MYH4: variants seen among roughly 807,000 people sequenced by gnomAD.
MYH4 encodes myosin heavy chain 4, also known as myosin-4.
In MYH4, 200 loss-of-function variants were observed where a neutral mutation model predicts 229.9. The observed-to-expected ratio is 0.87, with a 90% CI of 0.78 to 0.98. The LOEUF (loss-of-function observed/expected upper bound fraction) is 0.98. MYH4 is among the 50% of genes least tolerant of loss of function. The pLI is 0.00. For synonymous variants in MYH4, 761 were observed against 834.6 expected (o/e 0.91, Z 1.52); for missense variants, 2,148 against 2,332.6 (o/e 0.92, Z 1.63).
chr17:10,465,284 C>A (rs1298958526), intron 5 of MYH4, among the ~76,000 whole-genome samples, 158 bp downstream of exon 5: 1 of 152,150 alleles, frequency 6.6e-6, no homozygotes, highest in African/African-American at 2.4e-5. Flanking sequence ...ATGTTTGGAA[C>A]TAGTACATTT....
At chr17:10,468,137 G>GT (rs1010507464) in intron 2 of MYH4, among the ~76,000 whole-genome samples, 15 of 151,916 alleles carry the variant, frequency 9.9e-5, no homozygotes, top group African/African-American at 3.4e-4. Flanking sequence ...TTAATGTCAG[G>GT]TTTTTTTTCT....
intron 14 of MYH4, 72 bp downstream of exon 14, chr17:10,459,880 T>C (rs1234472896): frequency 4.3e-6 from 7 of 1,609,594 alleles, no homozygotes; most frequent in Non-Finnish European, 5.9e-6. Context: ...AAGGTACATT[T>C]TGTAAATGTG....
chr17:10,451,653 A>G (rs1273525593), intron 27 of MYH4, among the ~76,000 whole-genome samples: 1 of 152,194 alleles, frequency 6.6e-6, no homozygotes, highest in Non-Finnish European at 1.5e-5. Flanking sequence ...ATTCTCTTTG[A>G]AAGTGTGAAC....
rs749331128 is a variant in MYH4 at position 10,447,923 on chromosome 17, C to T, written c.4860G>A (p.Lys1620=). The T allele has an allele frequency of 3.1e-6, 5 of 1,614,030 alleles. No homozygotes were observed. The highest frequency in any genetic ancestry group is 2.5e-6 in the Non-Finnish European group (3 of 1,179,978). ...TTTCATTAAGATCTCCCTCCATCTT[C>T]TTCTTGATCCTCAGAGCATCATTTC... ...RSRNDALRIK[K]KMEGDLNEME... The change falls in exon 34 of 40, where the codon AAG becomes AAA. Residue 1620 remains lysine (K), a synonymous_variant. Coordinates refer to ENST00000255381, the MANE Select transcript of MYH4 (RefSeq NM_017533.2).
At chr17:10,450,367 A>C in intron 30 of MYH4, 86 bp downstream of exon 30, 1 of 1,603,198 alleles carries the variant, frequency 6.2e-7, no homozygotes, top group Non-Finnish European at 8.5e-7. Context: ...ATGTGTCCCC[A>C]AGCCCGGAAT....
At position 10,448,669 on chromosome 17, in the gene MYH4, C is replaced by T; in HGVS notation, c.4480G>A (p.Glu1494Lys). The T allele has an allele frequency of 6.2e-7, 1 of 1,614,048 alleles. No homozygotes were observed. The highest frequency in any genetic ancestry group is 8.5e-7 in the Non-Finnish European group (1 of 1,179,934). ...ELFKVKNAYE[E>K]SLDHLETLKR... is the part of the protein sequence containing the mutation. ...AGAGTTTCAAGATGATCCAGGGATT[C>T]CTCGTAGGCATTCTTCACCTTGAAC... Residue 1494 changes from glutamate (E) to lysine (K), a missense_variant, in exon 32 of 40, where the codon GAA (glutamate) becomes AAA (lysine). By Grantham distance (56) the Glu-to-Lys change is moderately conservative. Transcript: ENST00000255381.
Position 10,465,615 on chromosome 17 carries a change from G to A in MYH4, c.349-17C>T. On this transcript the variant is annotated splice_polypyrimidine_tract_variant and intron_variant, in intron 4 of 39. Transcript: ENST00000255381. ...CGAGTAGGTCTGTGGGAAAGGACGG[G>A]GTTCCTCGATCAGCAATCACCTTGT... 1 of 1,614,050 alleles carries A rather than the reference G, an allele frequency of 6.2e-7. No individual in the cohort carries two copies. Among genetic ancestry groups the A allele is most frequent in the South Asian group, 1.1e-5 (1 of 91,072 alleles).
At chr17:10,459,050 G>T (rs2072672200) in intron 15 of MYH4, among the ~76,000 whole-genome samples, 3 of 152,182 alleles carry the variant, frequency 2.0e-5, no homozygotes, top group Admixed American at 1.3e-4. Flanking sequence ...ATCCATATGT[G>T]TGTGAGTGAT....
Position 10,453,441 on chromosome 17 carries a change from A to G in MYH4, c.2935-113T>C. 10 of 1,582,192 alleles carry G rather than the reference A, an allele frequency of 6.3e-6. No individual in the cohort carries two copies. In the South Asian group the frequency reaches 1.0e-4, roughly 17 times the overall value. On this transcript the variant is annotated intron_variant, in intron 23 of 39. Transcript: ENST00000255381. ...CAGCGTAAGATGGAAAATGAGAACCAGGAGCTAACCCAGGCCTATAATGGC... is the reference window on the plus strand; with the variant it reads ...CAGCGTAAGATGGAAAATGAGAACCGGGAGCTAACCCAGGCCTATAATGGC...
Position 10,450,815 on chromosome 17 carries a change from T to A in MYH4, c.3946A>T (p.Ile1316Phe), listed in dbSNP as rs780825257. Residue 1316 changes from isoleucine (I) to phenylalanine (F), a missense_variant, in exon 29 of 40, where the codon ATT (isoleucine) becomes TTT (phenylalanine). Coordinates refer to ENST00000255381, the MANE Select transcript of MYH4 (RefSeq NM_017533.2). The part of the protein sequence containing the change: ...SRGKQAFTQQ[I>F]EELKRQLEEE... ...TCTAGCTGCCTCTTTAATTCTTCAA[T>A]CTGTTGTGTAAATGCTTGTTTGCCT... The A allele has an allele frequency of 6.2e-7, 1 of 1,614,116 alleles. No individual in the cohort carries two copies. The highest frequency in any genetic ancestry group is 8.5e-7 in the Non-Finnish European group (1 of 1,179,988).
At chr17:10,447,597 C>A (rs1424898711) in intron 34 of MYH4, among the ~76,000 whole-genome samples, 1 of 152,176 alleles carries the variant, frequency 6.6e-6, no homozygotes, top group Admixed American at 6.5e-5. Flanking sequence ...TATCTCCCTA[C>A]CCCTCACCAC....
chr17:10,444,226 A>G (rs6503311), intron 39 of MYH4, among the ~76,000 whole-genome samples: 145,229 of 152,140 alleles, frequency 0.95, 69,377 homozygotes, highest in East Asian at 1. Context: ...AACTGCAGCC[A>G]AATTGAAAAA....
At chr17:10,447,263 A>G (rs756885118) in intron 34 of MYH4, 47 bp from the exon 35 acceptor site, 21 of 1,548,458 alleles carry the variant, frequency 1.4e-5, no homozygotes, top group Non-Finnish European at 1.9e-5. Context: ...CACTTAAAGC[A>G]AATGCAAACT....
At chr17:10,464,784 A>C in intron 5 of MYH4, 76 bp from the exon 6 acceptor site, 112 of 1,441,160 alleles carry the variant, frequency 7.8e-5, no homozygotes, top group Non-Finnish European at 1.0e-4. Flanking sequence ...TTATAAACTC[A>C]AAATTGTCTT....
chr17:10,464,445 C>T (rs1406710351), intron 7 of MYH4, 27 bp downstream of exon 7: 3 of 1,585,964 alleles, frequency 1.9e-6, no homozygotes, highest in Non-Finnish European at 2.6e-6. Flanking sequence ...ATCTGTTATT[C>T]TGTCCTTAGA....
chr17:10,444,695 T>A lies in MYH4; in HGVS notation c.5576A>T (p.Glu1859Val), dbSNP rs760340692. 4 of 1,613,918 alleles carry A rather than the reference T, an allele frequency of 2.5e-6. No homozygotes were observed. Among genetic ancestry groups the A allele is most frequent in the Non-Finnish European group, 3.4e-6 (4 of 1,179,924 alleles). ...RRVKELTYQTEEDRKNILRLQ... is the reference protein window; with the variant it reads ...RRVKELTYQTVEDRKNILRLQ... ...CCTGAGAATATTCTTGCGGTCCTCC[T>A]CAGTCTGAAAGAGGTGCAAGTAGAT... The change falls in exon 39 of 40, where the codon GAG becomes GTG. Residue 1859 changes from glutamate (E) to valine (V), a missense_variant. Glu to Val is a moderately radical substitution (Grantham distance 121). Transcript: ENST00000255381.
intron 35 of MYH4, among the ~76,000 whole-genome samples, chr17:10,446,159 G>T (rs903814221): frequency 7.3e-5 from 11 of 151,240 alleles, no homozygotes; most frequent in Non-Finnish European, 1.6e-4. Flanking sequence ...GAAAAATGTT[G>T]CATATTAATT....
rs768048365 is a variant in MYH4, at chr17:10,452,168, G to A, written c.3511C>T (p.Arg1171Trp). Residue 1171 changes from arginine to tryptophan, a missense_variant, in exon 27 of 40, where the codon CGG (arginine) becomes TGG (tryptophan). Transcript: ENST00000255381. Reference sequence around the variant, plus strand: ...CGCATTTTCTGGAACTCAGCCTCCCGCTTCTTGTTCATCTCAATCTGGGCT... The same window carrying A: ...CGCATTTTCTGGAACTCAGCCTCCCACTTCTTGTTCATCTCAATCTGGGCT... ...TSAQIEMNKKREAEFQKMRRD... is the reference protein window; with the variant it reads ...TSAQIEMNKKWEAEFQKMRRD... 15 of 1,613,770 alleles carry A rather than the reference G, an allele frequency of 9.3e-6. No homozygotes were observed. In the Middle Eastern group the frequency reaches 5.0e-4, roughly 54 times the overall value.
chr17:10,444,460 C>A, intron 39 of MYH4, 144 bp downstream of exon 39: 1 of 626,826 alleles, frequency 1.6e-6, no homozygotes, highest in South Asian at 2.5e-5. Flanking sequence ...ATTTATGGTT[C>A]ATTTTTCTCA....
Sources: allele counts gnomAD v4.1 joint callset (sites outside exome capture counted in the v4.1 genomes callset), GRCh38; gene constraint gnomAD v4.1.1; transcripts MANE v1.5; gene names NCBI Gene and HGNC (gene_info 2026-07-23, HGNC 2026-07-21).